The following RGPD2 variants were observed in gnomAD, a reference collection of about 807,000 sequenced individuals.
RGPD2 encodes the protein RANBP2 like and GRIP domain containing 2.
In RGPD2, 2 loss-of-function variants were observed where a neutral mutation model predicts 36.0. The ratio of observed to expected loss-of-function variants is 0.06; its 90% CI spans 0.02 to 0.17. RGPD2 has a LOEUF of 0.17. RGPD2 is among the 10% of genes least tolerant of loss of function. The pLI is 1.00. For missense variants in RGPD2, 40 were observed against 464.3 expected (o/e 0.09, Z 8.40); for synonymous variants, 19 against 163.8 (o/e 0.12, Z 6.75).
the RGPD2 span, among the ~76,000 whole-genome samples, chr2:87,871,672 C>T: frequency 6.6e-6 from 1 of 152,018 alleles, no homozygotes; most frequent in African/African-American, 2.4e-5. Flanking sequence ...TTGAGACCAG[C>T]CTGACCAACA....
the RGPD2 span, among the ~76,000 whole-genome samples, chr2:87,875,332 C>T: frequency 2.0e-5 from 3 of 152,298 alleles, no homozygotes; most frequent in East Asian, 5.8e-4. Context: ...GTGATATTGG[C>T]TGTGAGTTTG....
At chr2:87,861,384 C>G in the RGPD2 span, among the ~76,000 whole-genome samples, 1 of 151,948 alleles carries the variant, frequency 6.6e-6, no homozygotes, top group East Asian at 1.9e-4. Context: ...GTTTGACATG[C>G]CTTTAATCAA....
At chr2:87,961,817 C>T in the RGPD2 span, among the ~76,000 whole-genome samples, 3 of 151,336 alleles carry the variant, frequency 2.0e-5, no homozygotes, top group East Asian at 5.8e-4. Context: ...TTTCTGTCGG[C>T]TTATAAGTGG....
chr2:87,952,433 T>A, the RGPD2 span, among the ~76,000 whole-genome samples: 1 of 152,130 alleles, frequency 6.6e-6, no homozygotes. Flanking sequence ...TAAAAGGCCA[T>A]GAGAAAGAAA....
At chr2:87,878,629 A>G in the RGPD2 span, among the ~76,000 whole-genome samples, 29 of 152,200 alleles carry the variant, frequency 1.9e-4, no homozygotes, top group Non-Finnish European at 3.2e-4. Flanking sequence ...TATACAATAC[A>G]TTATTATTAA....
the RGPD2 span, among the ~76,000 whole-genome samples, chr2:87,957,368 A>G: frequency 7.9e-5 from 2 of 25,390 alleles, no homozygotes; most frequent in Non-Finnish European, 2.5e-4. Flanking sequence ...CAGAAAGAGA[A>G]CCTTTCCAGA....
chr2:87,828,935 AATTT>A (rs1329177556), upstream of RGPD2, among the ~76,000 whole-genome samples: 1 of 33,692 alleles, frequency 3.0e-5, no homozygotes, highest in African/African-American at 1.1e-4. Context: ...GTTGCAAATC[AATTT>A]ATTTTTATTC....
the RGPD2 span, among the ~76,000 whole-genome samples, chr2:87,839,687 A>T: frequency 6.6e-6 from 1 of 152,042 alleles, no homozygotes; most frequent in East Asian, 1.9e-4. Context: ...ACCAAATACC[A>T]CATATTCTCA....
chr2:87,979,047 A>G, the RGPD2 span, among the ~76,000 whole-genome samples: 1 of 149,292 alleles, frequency 6.7e-6, no homozygotes, highest in Non-Finnish European at 1.5e-5. Context: ...CAGGCTGGCC[A>G]ACATGGCAAA....
the RGPD2 span, among the ~76,000 whole-genome samples, chr2:87,914,814 A>T: frequency 6.8e-4 from 103 of 151,334 alleles, no homozygotes; most frequent in Admixed American, 6.3e-3. Context: ...GAGAGCAAAA[A>T]TTATATAACT....
chr2:87,971,534 T>C, the RGPD2 span, among the ~76,000 whole-genome samples: 2 of 142,062 alleles, frequency 1.4e-5, no homozygotes, highest in South Asian at 4.6e-4. Flanking sequence ...TTATGGAAAT[T>C]ACAAACTCTG....
chr2:87,979,153 G>A, the RGPD2 span, among the ~76,000 whole-genome samples: 3,126 of 152,026 alleles, frequency 0.021, 151 homozygotes, highest in East Asian at 0.12. Flanking sequence ...AGAACTGCCT[G>A]AACTCGGGAG....
At chr2:87,983,932 G>T in the RGPD2 span, among the ~76,000 whole-genome samples, 1 of 152,356 alleles carries the variant, frequency 6.6e-6, no homozygotes, top group South Asian at 2.1e-4. Flanking sequence ...AGGTCACATG[G>T]CATCTTATAA....
chr2:87,961,696 TAAAAAA>T, the RGPD2 span, among the ~76,000 whole-genome samples: 2 of 50,992 alleles, frequency 3.9e-5, no homozygotes, highest in Admixed American at 2.0e-4. Flanking sequence ...TAAGACTTCC[TAAAAAA>T]AAAAAAAAAA....
the RGPD2 span, among the ~76,000 whole-genome samples, chr2:87,868,592 T>G: frequency 6.6e-6 from 1 of 150,626 alleles, no homozygotes; most frequent in African/African-American, 2.5e-5. Flanking sequence ...GTGTTCCCAC[T>G]ATTTCTCTGA....
the RGPD2 span, among the ~76,000 whole-genome samples, chr2:87,861,660 T>C: frequency 2.6e-5 from 4 of 152,190 alleles, no homozygotes; most frequent in South Asian, 4.1e-4. Context: ...ATTATGTTGA[T>C]AAATCTGGCC....
At chr2:87,929,475 T>TTTGTGTG in the RGPD2 span, among the ~76,000 whole-genome samples, 1 of 147,382 alleles carries the variant, frequency 6.8e-6, no homozygotes, top group East Asian at 2.0e-4. Flanking sequence ...TTTGTTTTTT[T>TTTGTGTG]TGTGTGTGTG....
chr2:87,964,616 C>T, the RGPD2 span, among the ~76,000 whole-genome samples: 3 of 151,624 alleles, frequency 2.0e-5, no homozygotes, highest in East Asian at 3.9e-4. Flanking sequence ...TCACTGCAAC[C>T]TCCTGTGGCA....
chr2:87,924,141 GT>G, the RGPD2 span, among the ~76,000 whole-genome samples: 334 of 140,132 alleles, frequency 2.4e-3, 2 homozygotes, highest in African/African-American at 7.1e-3. Flanking sequence ...GCACTGCAAA[GT>G]TTTTTTTTTC....
Sources: gnomAD v4.1 joint callset for allele counts (sites outside exome capture counted in the v4.1 genomes callset) on GRCh38, gnomAD v4.1.1 for gene constraint, MANE v1.5 for transcripts, NCBI Gene and HGNC (gene_info 2026-07-23, HGNC 2026-07-21) for gene names.